Variants in ZNG1B observed in about 807,000 individuals in gnomAD.
The protein encoded by ZNG1B is zinc-regulated GTPase metalloprotein activator 1B.
chr2:113,466,553 G>C, the ZNG1B span: 1 of 931,070 alleles, frequency 1.1e-6, no homozygotes, highest in South Asian at 5.2e-5. Flanking sequence ...AAAATCTTCC[G>C]TGAATTCTTC....
the ZNG1B span, among the ~76,000 whole-genome samples, chr2:113,453,854 G>T: frequency 0.023 from 3,496 of 150,222 alleles, 106 homozygotes; most frequent in African/African-American, 0.08. Flanking sequence ...CAGGCAATAT[G>T]AGGATCATAT....
At chr2:113,461,247 A>T in the ZNG1B span, among the ~76,000 whole-genome samples, 1 of 150,682 alleles carries the variant, frequency 6.6e-6, no homozygotes, top group Non-Finnish European at 1.5e-5. Context: ...TTTTATTTTT[A>T]TTTTTATTTT....
the ZNG1B span, chr2:113,453,070 A>G: frequency 6.6e-7 from 1 of 1,511,630 alleles, no homozygotes; most frequent in Non-Finnish European, 8.9e-7. Flanking sequence ...GGCAAATTAA[A>G]ACATGGATAG....
chr2:113,483,413 T>TGGGTACTCA, the ZNG1B span, among the ~76,000 whole-genome samples: 1 of 151,698 alleles, frequency 6.6e-6, no homozygotes. Context: ...CAGGGCTTGG[T>TGGGTACTCA]GGGTACTCAG....
the ZNG1B span, among the ~76,000 whole-genome samples, chr2:113,440,467 C>G: frequency 0.091 from 13,871 of 152,020 alleles, 888 homozygotes; most frequent in Non-Finnish European, 0.13. Flanking sequence ...TCCTCATTGC[C>G]CTAAGTCTCT....
At chr2:113,464,509 T>TTTA in the ZNG1B span, among the ~76,000 whole-genome samples, 1 of 145,782 alleles carries the variant, frequency 6.9e-6, no homozygotes, top group Non-Finnish European at 1.5e-5. Context: ...TTGAAAAGAA[T>TTTA]TTAACAGGTA....
chr2:113,482,044 G>C, the ZNG1B span: 1 of 1,014,088 alleles, frequency 9.9e-7, no homozygotes, highest in Non-Finnish European at 1.4e-6. Context: ...CGAACAACTT[G>C]TAAAATTGGA....
At chr2:113,438,959 T>C in the ZNG1B span, 1 of 1,511,012 alleles carries the variant, frequency 6.6e-7, no homozygotes, top group African/African-American at 1.4e-5. Flanking sequence ...TGTAAGTTTA[T>C]TCCCGTTTTT....
At chr2:113,437,997 A>T in the ZNG1B span, 11 of 1,612,000 alleles carry the variant, frequency 6.8e-6, no homozygotes, top group Non-Finnish European at 9.3e-6. Context: ...CCAAGATCCC[A>T]GTCACAATTA....
the ZNG1B span, among the ~76,000 whole-genome samples, chr2:113,476,444 C>G: frequency 6.7e-6 from 1 of 150,104 alleles, no homozygotes; most frequent in African/African-American, 2.5e-5. Flanking sequence ...AATGTCCTCC[C>G]ATAGCTCGGA....
At chr2:113,454,540 C>T in the ZNG1B span, among the ~76,000 whole-genome samples, 2 of 148,102 alleles carry the variant, frequency 1.4e-5, no homozygotes, top group Non-Finnish European at 3.0e-5. Context: ...ATAGTGCTAG[C>T]CACTCAGGAA....
At chr2:113,472,280 T>C in the ZNG1B span, among the ~76,000 whole-genome samples, 14 of 152,326 alleles carry the variant, frequency 9.2e-5, no homozygotes, top group East Asian at 2.7e-3. Flanking sequence ...CATAAATGTC[T>C]TCTTTTGAGA....
chr2:113,477,021 T>C, the ZNG1B span, among the ~76,000 whole-genome samples: 12 of 152,338 alleles, frequency 7.9e-5, no homozygotes, highest in East Asian at 1.9e-4. Flanking sequence ...GCAGGCAGGC[T>C]TCCTTGAGCT....
the ZNG1B span, among the ~76,000 whole-genome samples, chr2:113,457,907 C>T: frequency 1.3e-4 from 18 of 143,080 alleles, no homozygotes; most frequent in African/African-American, 3.6e-4. Flanking sequence ...CATCTCACAC[C>T]GCTCCCCTTT....
At chr2:113,477,098 C>T in the ZNG1B span, among the ~76,000 whole-genome samples, 8 of 152,214 alleles carry the variant, frequency 5.3e-5, no homozygotes, top group East Asian at 1.9e-4. Context: ...TGGGCAATGG[C>T]GGGCGCCCCT....
chr2:113,443,178 G>C, the ZNG1B span, among the ~76,000 whole-genome samples: 51 of 152,044 alleles, frequency 3.4e-4, no homozygotes, highest in Non-Finnish European at 5.7e-4. Flanking sequence ...TTGTGTTAGC[G>C]AGGATGGTCT....
the ZNG1B span, chr2:113,493,835 A>C: frequency 1.3e-6 from 2 of 1,492,388 alleles, 1 homozygote; most frequent in Non-Finnish European, 1.8e-6. Context: ...GGTGAATGCA[A>C]TTTTTAACTG....
At chr2:113,454,394 T>G in the ZNG1B span, among the ~76,000 whole-genome samples, 1 of 151,866 alleles carries the variant, frequency 6.6e-6, no homozygotes, top group African/African-American at 2.4e-5. Flanking sequence ...TCTTATGTAC[T>G]TATCACATTT....
At chr2:113,456,123 C>T in the ZNG1B span, among the ~76,000 whole-genome samples, 1 of 151,688 alleles carries the variant, frequency 6.6e-6, no homozygotes, top group African/African-American at 2.4e-5. Flanking sequence ...TACCTCTTCA[C>T]TGGGCCTTCT....
Sources: gnomAD v4.1 joint callset for allele counts (sites outside exome capture counted in the v4.1 genomes callset) on GRCh38, gnomAD v4.1.1 for gene constraint, MANE v1.5 for transcripts, NCBI Gene and HGNC (gene_info 2026-07-23, HGNC 2026-07-21) for gene names.